The following CCDC7 variants were observed in gnomAD, a reference collection of about 807,000 sequenced individuals.
CCDC7 encodes the protein coiled-coil domain-containing protein 7.
In CCDC7, 183 loss-of-function variants were observed where a neutral mutation model predicts 196.9. That is an observed-to-expected ratio of 0.93 (90% confidence interval 0.82 to 1.05). The LOEUF (loss-of-function observed/expected upper bound fraction) is 1.05. Among genes scored for constraint, CCDC7 ranks in the 50% least tolerant of loss-of-function variants. The probability of loss-of-function intolerance (pLI) is 0.00; values close to 1 mark genes in which losing one functional copy is unlikely to be tolerated. For missense variants in CCDC7, 1,540 were observed against 1,482.2 expected (o/e 1.04, Z -0.64); for synonymous variants, 525 against 484.6 (o/e 1.08, Z -1.10).
At chr10:32,459,318 T>TGAACCTCTAGAGAGCTCAAAAGTGG (rs571663499) in intron 3 of CCDC7, among the ~76,000 whole-genome samples, 1 of 152,006 alleles carries the variant, frequency 6.6e-6, no homozygotes, top group African/African-American at 2.4e-5. Flanking sequence ...CAGTTTAGTG[T>TGAACCTCTAGAGAGCTCAAAAGTGG]GAACCTCTAG....
chr10:32,809,442 T>G (rs1458549029), intron 30 of CCDC7, among the ~76,000 whole-genome samples: 1 of 151,754 alleles, frequency 6.6e-6, no homozygotes, highest in African/African-American at 2.4e-5. Flanking sequence ...AAACAAAAAA[T>G]ACATTCAGTG....
intron 18 of CCDC7, among the ~76,000 whole-genome samples, chr10:32,624,645 A>G (rs1051498293): frequency 6.6e-6 from 1 of 152,072 alleles, no homozygotes; most frequent in African/African-American, 2.4e-5. Context: ...GACTCCTTCT[A>G]TCTAGTGGCT....
intron 18 of CCDC7, 40 bp from the exon 20 acceptor site, chr10:32,634,214 C>T (rs529778755): frequency 2.2e-6 from 2 of 898,512 alleles, no homozygotes; most frequent in South Asian, 1.1e-4. Flanking sequence ...CAATAGAGCT[C>T]TTTCTCTATT....
chr10:32,596,164 T>C (rs990049934), intron 18 of CCDC7, among the ~76,000 whole-genome samples: 1 of 151,228 alleles, frequency 6.6e-6, no homozygotes, highest in African/African-American at 2.4e-5. Context: ...CCTATTATTA[T>C]TGCGTGGTCT....
intron 28 of CCDC7, among the ~76,000 whole-genome samples, chr10:32,772,256 G>C (rs2079284093): frequency 6.6e-6 from 1 of 152,160 alleles, no homozygotes; most frequent in Admixed American, 6.5e-5. Flanking sequence ...CAGGGAGTGG[G>C]GAGTAGCAGG....
At chr10:32,837,237 A>G (rs1032297797) in intron 33 of CCDC7, among the ~76,000 whole-genome samples, 2 of 152,206 alleles carry the variant, frequency 1.3e-5, no homozygotes, top group African/African-American at 4.8e-5. Context: ...AGAAAAAAAC[A>G]AACAGCCCCA....
intron 30 of CCDC7, among the ~76,000 whole-genome samples, chr10:32,809,422 T>G (rs533057037): frequency 4.6e-5 from 7 of 152,042 alleles, no homozygotes; most frequent in African/African-American, 1.4e-4. Context: ...ATAATTCAAT[T>G]CAATTAATAA....
intron 41 of CCDC7, among the ~76,000 whole-genome samples, chr10:32,860,025 A>T (rs915948579): frequency 6.6e-6 from 1 of 152,156 alleles, no homozygotes; most frequent in South Asian, 2.1e-4. Context: ...ACTATTCCAA[A>T]CAATAGAAAA....
intron 11 of CCDC7, among the ~76,000 whole-genome samples, chr10:32,541,024 C>T (rs952105594): frequency 6.6e-6 from 1 of 151,232 alleles, no homozygotes; most frequent in African/African-American, 2.4e-5. Context: ...ATAGATTTGA[C>T]CTCTACCTAA....
intron 34 of CCDC7, 91 bp downstream of exon 35, chr10:32,845,417 CTATAT>C: frequency 8.3e-7 from 1 of 1,205,752 alleles, no homozygotes; most frequent in Non-Finnish European, 1.2e-6. Context: ...ACAAAACTAC[CTATAT>C]TATAGTGTTA....
At chr10:32,580,834 G>A (rs560063084) in intron 16 of CCDC7, among the ~76,000 whole-genome samples, 3 of 150,258 alleles carry the variant, frequency 2.0e-5, no homozygotes, top group African/African-American at 4.9e-5. Flanking sequence ...GGAAAGTTCC[G>A]GAAAAAGAAA....
rs138513276 is a variant in CCDC7, at chr10:32,617,281, A to G, written c.1802-16973A>G. Among the ~76,000 whole-genome samples, 741 of 150,970 alleles carry G rather than the reference A, an allele frequency of 4.9e-3. 5 individuals carry two copies. The highest frequency in any genetic ancestry group is 8.9e-3 in the Non-Finnish European group (599 of 67,504). ...TTATTTGTGTTTTATTTTGTTTTCT[A>G]TTTCATTTGGTTCTTCTTTGATATT... On this transcript the variant is annotated intron_variant, in intron 18 of 41. Coordinates refer to ENST00000639629, the Ensembl canonical transcript of CCDC7.
chr10:32,682,884 CTGG>C (rs2076024612), intron 21 of CCDC7, among the ~76,000 whole-genome samples: 1 of 152,108 alleles, frequency 6.6e-6, no homozygotes, highest in African/African-American at 2.4e-5. Flanking sequence ...CTTATAGATT[CTGG>C]ATATTACACC....
chr10:32,759,025 C>A (rs1356853484), intron 28 of CCDC7, among the ~76,000 whole-genome samples: 3 of 152,046 alleles, frequency 2.0e-5, no homozygotes, highest in African/African-American at 4.8e-5. Flanking sequence ...ACCTAGGAAT[C>A]CAACTTACAA....
At chr10:32,674,725 A>G (rs1382168054) in intron 21 of CCDC7, among the ~76,000 whole-genome samples, 1 of 152,022 alleles carries the variant, frequency 6.6e-6, no homozygotes, top group Admixed American at 6.6e-5. Context: ...TTATGTATTT[A>G]TGTGCTCTGA....
intron 32 of CCDC7, among the ~76,000 whole-genome samples, chr10:32,830,638 G>C (rs1248075930): frequency 1.3e-5 from 2 of 152,128 alleles, no homozygotes; most frequent in Non-Finnish European, 2.9e-5. Flanking sequence ...GGGATACAAT[G>C]TGATGTTTTA....
intron 9 of CCDC7, among the ~76,000 whole-genome samples, chr10:32,505,255 A>G (rs2044716571): frequency 6.6e-6 from 1 of 151,876 alleles, no homozygotes; most frequent in Non-Finnish European, 1.5e-5. Flanking sequence ...GCAGGGTCAT[A>G]GGATAATAGT....
intron 20 of CCDC7, among the ~76,000 whole-genome samples, chr10:32,646,089 T>C (rs1186614901): frequency 4.0e-5 from 6 of 151,812 alleles, no homozygotes; most frequent in Admixed American, 3.9e-4. Context: ...TGTTCTTTTT[T>C]TTTTAGTTCT....
At chr10:32,591,885 A>G (rs912463942) in intron 18 of CCDC7, among the ~76,000 whole-genome samples, 1 of 152,220 alleles carries the variant, frequency 6.6e-6, no homozygotes, top group African/African-American at 2.4e-5. Flanking sequence ...GGAGACCTCA[A>G]GAAAGCACTT....
Sources: gnomAD v4.1 joint callset for allele counts (sites outside exome capture counted in the v4.1 genomes callset) on GRCh38, gnomAD v4.1.1 for gene constraint, MANE v1.5 for transcripts, NCBI Gene and HGNC (gene_info 2026-07-23, HGNC 2026-07-21) for gene names.